NKAIN3: variants seen among roughly 807,000 people sequenced by gnomAD.
NKAIN3 encodes the protein sodium/potassium transporting ATPase interacting 3.
In NKAIN3, 25 loss-of-function variants were observed where a neutral mutation model predicts 30.2. The observed-to-expected ratio is 0.83, with a 90% CI of 0.60 to 1.16. The LOEUF is 1.16. NKAIN3 is among the 50% of genes most tolerant of loss of function. The pLI is 0.00. For synonymous variants in NKAIN3, 91 were observed against 89.6 expected, an observed-to-expected ratio of 1.02 and a Z score of -0.09; for missense variants, 225 against 254.1, an observed-to-expected ratio of 0.89 and a Z score of 0.78.
At chr8:62,273,352 T>C (rs374133830) in intron 1 of NKAIN3, among the ~76,000 whole-genome samples, 1 of 152,182 alleles carries the variant, frequency 6.6e-6, no homozygotes, top group African/African-American at 2.4e-5. Flanking sequence ...ACATGACTTC[T>C]TTGCTTTTAT....
intron 1 of NKAIN3, among the ~76,000 whole-genome samples, chr8:62,493,488 A>G (rs1337758225): frequency 1.3e-5 from 2 of 151,902 alleles, no homozygotes; most frequent in Non-Finnish European, 2.9e-5. Context: ...TTTTGGTTAG[A>G]ATTGCCTTGG....
At chr8:62,464,194 C>G (rs984064680) in intron 1 of NKAIN3, among the ~76,000 whole-genome samples, 1 of 152,138 alleles carries the variant, frequency 6.6e-6, no homozygotes, top group Non-Finnish European at 1.5e-5. Flanking sequence ...TGCAACCTCC[C>G]TGTAGCTCTA....
chr8:62,898,024 C>T (rs1251502423), intron 4 of NKAIN3, among the ~76,000 whole-genome samples: 1 of 152,210 alleles, frequency 6.6e-6, no homozygotes, highest in Non-Finnish European at 1.5e-5. Context: ...AGCCAAGACA[C>T]ATGCACCTCA....
intron 1 of NKAIN3, among the ~76,000 whole-genome samples, chr8:62,357,757 G>A (rs76647000): frequency 0.016 from 2,369 of 152,224 alleles, 31 homozygotes; most frequent in Non-Finnish European, 0.025. Context: ...CCAAGTGCTC[G>A]TAACTGTTAG....
At chr8:62,566,428 T>C (rs1290097826) in intron 1 of NKAIN3, among the ~76,000 whole-genome samples, 1 of 151,878 alleles carries the variant, frequency 6.6e-6, no homozygotes, top group African/African-American at 2.4e-5. Flanking sequence ...AGTGCTTACC[T>C]CATAATTAAT....
intron 1 of NKAIN3, among the ~76,000 whole-genome samples, chr8:62,564,092 C>G (rs1440215802): frequency 1.3e-5 from 2 of 152,208 alleles, no homozygotes; most frequent in African/African-American, 2.4e-5. Context: ...CGGTGATTTT[C>G]TTCCCTGCTT....
chr8:62,418,876 G>T (rs1804542666), intron 1 of NKAIN3, among the ~76,000 whole-genome samples: 1 of 152,158 alleles, frequency 6.6e-6, no homozygotes, highest in East Asian at 1.9e-4. Flanking sequence ...GGCATGAAAA[G>T]TACTGTATGA....
intron 3 of NKAIN3, among the ~76,000 whole-genome samples, chr8:62,680,732 G>T (rs1813621140): frequency 6.6e-6 from 1 of 151,956 alleles, no homozygotes; most frequent in Non-Finnish European, 1.5e-5. Flanking sequence ...GTGTGTGTGT[G>T]CACTTTAATG....
intron 3 of NKAIN3, among the ~76,000 whole-genome samples, chr8:62,690,749 A>G (rs1025018799): frequency 3.3e-5 from 5 of 152,208 alleles, no homozygotes; most frequent in African/African-American, 1.2e-4. Flanking sequence ...CGGTCCACTG[A>G]TGAGGCACCA....
At chr8:62,992,132 C>G (rs1270675289) in intron 5 of NKAIN3, among the ~76,000 whole-genome samples, 4 of 151,948 alleles carry the variant, frequency 2.6e-5, no homozygotes, top group Non-Finnish European at 5.9e-5. Flanking sequence ...GACCCTCCTG[C>G]CTCCCAGAGT....
intron 3 of NKAIN3, among the ~76,000 whole-genome samples, chr8:62,735,393 T>C (rs1461654095): frequency 6.8e-6 from 1 of 146,096 alleles, no homozygotes; most frequent in Non-Finnish European, 1.5e-5. Flanking sequence ...TTTTTTTTTT[T>C]TGAGCTCTGA....
intron 1 of NKAIN3, among the ~76,000 whole-genome samples, chr8:62,333,832 A>G (rs1162519288): frequency 6.6e-6 from 1 of 152,090 alleles, no homozygotes; most frequent in East Asian, 1.9e-4. Flanking sequence ...TTTGGAGAAT[A>G]ATTACAGTTA....
rs1039539908 is a variant in NKAIN3 at position 62,377,246 on chromosome 8, A to G, written c.54+128119A>G. ...CTTCCCTCTTTGTTTCTTTGTATCT[A>G]CTACACACACACAGAGTTGCATAGT... On this transcript the variant is annotated intron_variant, in intron 1 of 6. Coordinates refer to ENST00000623646, the MANE Select transcript of NKAIN3 (RefSeq NM_001304533.3). Among the ~76,000 whole-genome samples, 18 of 152,286 alleles carry G rather than the reference A, an allele frequency of 1.2e-4. No individual in the cohort carries two copies. In the East Asian group the frequency reaches 3.3e-3, roughly 28 times the overall value.
chr8:62,803,398 T>A (rs199873622), intron 4 of NKAIN3, among the ~76,000 whole-genome samples: 19 of 151,868 alleles, frequency 1.3e-4, no homozygotes, highest in African/African-American at 2.4e-4. Context: ...AAAAAACAGA[T>A]ATTATAACAA....
At position 62,979,567 on chromosome 8, in the gene NKAIN3, T is replaced by C. The variant is rs1319858465; in HGVS notation, c.*14160T>C. On this transcript the variant is annotated 3_prime_UTR_variant, in exon 7 of 7. Transcript: ENST00000623646. The stretch of plus-strand genomic sequence containing the variant: ...GGAGTGAAAGCTAAAAGAAATAATA[T>C]GTCTAATACGATGTGGCATTTTCTC... 1 of 152,212 alleles carries C rather than the reference T, an allele frequency of 6.6e-6. No individual in the cohort carries two copies. Among genetic ancestry groups the C allele is most frequent in the Non-Finnish European group, 1.5e-5 (1 of 68,038 alleles). 9.4% of individuals were successfully genotyped at this position (152,212 alleles called of 1,614,324 possible).
chr8:62,801,163 T>A (rs1302932654), intron 4 of NKAIN3, among the ~76,000 whole-genome samples: 1 of 152,214 alleles, frequency 6.6e-6, no homozygotes, highest in African/African-American at 2.4e-5. Context: ...CCTGCCTGCC[T>A]CTGTAGGCTC....
intron 3 of NKAIN3, among the ~76,000 whole-genome samples, chr8:62,744,541 A>G (rs906085834): frequency 4.6e-5 from 7 of 152,232 alleles, no homozygotes; most frequent in East Asian, 3.9e-4. Flanking sequence ...GGAAATCGCT[A>G]TGAATTTTGA....
At chr8:62,760,706 A>T (rs979806095) in intron 4 of NKAIN3, among the ~76,000 whole-genome samples, 3 of 152,128 alleles carry the variant, frequency 2.0e-5, no homozygotes, top group Admixed American at 2.0e-4. Context: ...CAGCACACCA[A>T]CATGGCACAT....
chr8:62,277,771 G>A (rs1813013012), intron 1 of NKAIN3, among the ~76,000 whole-genome samples: 1 of 152,150 alleles, frequency 6.6e-6, no homozygotes, highest in Non-Finnish European at 1.5e-5. Flanking sequence ...ATTTTCTGAG[G>A]ACTTCTGCTT....
Sources: allele counts gnomAD v4.1 joint callset (sites outside exome capture counted in the v4.1 genomes callset), GRCh38; gene constraint gnomAD v4.1.1; transcripts MANE v1.5; gene names NCBI Gene and HGNC (gene_info 2026-07-23, HGNC 2026-07-21).